Variants in CTSS observed in about 807,000 individuals in gnomAD.
CTSS encodes cathepsin S.
A neutral mutation model predicts 39.9 loss-of-function variants in CTSS; 15 were observed. The observed-to-expected ratio is 0.38, with a 90% CI of 0.25 to 0.58. CTSS has a LOEUF of 0.58. Ranked by LOEUF, CTSS falls within the 20% of genes least tolerant of loss-of-function variation. The pLI is 0.70. For missense variants in CTSS, 250 were observed against 398.2 expected (o/e 0.63, Z 3.17); for synonymous variants, 126 against 138.2 (o/e 0.91, Z 0.62).
intron 5 of CTSS, 32 bp downstream of exon 5, chr1:150,751,749 G>A: frequency 6.3e-7 from 1 of 1,589,894 alleles, no homozygotes; most frequent in Non-Finnish European, 8.6e-7. Context: ...ATGAGATCAT[G>A]GGGCAGCACA....
chr1:150,753,723 G>A (rs1653053857), intron 4 of CTSS, among the ~76,000 whole-genome samples: 1 of 152,156 alleles, frequency 6.6e-6, no homozygotes, highest in African/African-American at 2.4e-5. Context: ...GTGGAGGTAG[G>A]AGGATCACTT....
In CTSS at chr1:150,741,916, T is replaced by C. The variant is rs192527881; in HGVS notation, c.896+5861A>G. On this transcript the variant is annotated intron_variant, in intron 7 of 7. Coordinates refer to ENST00000368985, the MANE Select transcript of CTSS (RefSeq NM_004079.5). ...GGGAAGAATATGAACATTTAAAAAG[T>C]TCTTTATCATATTGTCAAATTGCTT... 1.2e-3 allele frequency among the ~76,000 whole-genome samples: 179 copies of C among 151,522 alleles called. 2 individuals carry two copies. Among genetic ancestry groups the C allele is most frequent in the Non-Finnish European group, 5.3e-4 (36 of 67,892 alleles).
At chr1:150,760,751 C>A (rs1205103929) in intron 2 of CTSS, among the ~76,000 whole-genome samples, 1 of 151,912 alleles carries the variant, frequency 6.6e-6, no homozygotes, top group Non-Finnish European at 1.5e-5. Context: ...GGTGTGGTGG[C>A]ATGTGCCTAC....
chr1:150,763,336 C>A (rs1246289352), intron 2 of CTSS, among the ~76,000 whole-genome samples: 1 of 152,082 alleles, frequency 6.6e-6, no homozygotes, highest in Non-Finnish European at 1.5e-5. Flanking sequence ...TACAGAGTTT[C>A]ATTTGACAAG....
At chr1:150,760,618 T>C (rs979052865) in intron 2 of CTSS, among the ~76,000 whole-genome samples, 3 of 152,176 alleles carry the variant, frequency 2.0e-5, no homozygotes, top group Admixed American at 6.5e-5. Flanking sequence ...CCAGGTGTGG[T>C]GGCTCATGCC....
intron 1 of CTSS, among the ~76,000 whole-genome samples, chr1:150,765,300 T>C (rs12061988): frequency 0.33 from 49,258 of 149,412 alleles, 8,500 homozygotes; most frequent in South Asian, 0.52. Context: ...TTTTTTTTTT[T>C]AATGATCAGA....
chr1:150,753,744 G>A (rs1247109670), intron 4 of CTSS, among the ~76,000 whole-genome samples: 1 of 152,090 alleles, frequency 6.6e-6, no homozygotes, highest in Non-Finnish European at 1.5e-5. Context: ...GAGCTCAGGA[G>A]CTTGAGATCA....
Sources: allele counts gnomAD v4.1 joint callset (sites outside exome capture counted in the v4.1 genomes callset), GRCh38; gene constraint gnomAD v4.1.1; transcripts MANE v1.5; gene names NCBI Gene and HGNC (gene_info 2026-07-23, HGNC 2026-07-21).